Variants in TBC1D22A observed in about 807,000 individuals in gnomAD.
The protein encoded by TBC1D22A is putative GTPase activator.
In TBC1D22A, 38 loss-of-function variants were observed where a neutral mutation model predicts 60.2. The observed-to-expected ratio is 0.63, with a 90% CI of 0.49 to 0.83. The LOEUF (loss-of-function observed/expected upper bound fraction) is 0.83, where lower values mean the gene tolerates loss of function less well. TBC1D22A is among the 40% of genes least tolerant of loss of function. TBC1D22A has a pLI of 0.00. For missense variants in TBC1D22A, 628 were observed against 701.0 expected (o/e 0.90, Z 1.18); for synonymous variants, 302 against 281.7 (o/e 1.07, Z -0.72).
intron 12 of TBC1D22A, among the ~76,000 whole-genome samples, chr22:47,126,614 C>G (rs2066468084): frequency 6.6e-6 from 1 of 152,222 alleles, no homozygotes; most frequent in African/African-American, 2.4e-5. Flanking sequence ...GAGGGAGTGA[C>G]CCCTGGCGCT....
In TBC1D22A at chr22:46,944,547, C is replaced by T. The variant is rs545348228; in HGVS notation, c.1016-29743C>T. The stretch of plus-strand genomic sequence containing the variant: ...CCAAGTAGCTGGGACTACAGGCGCC[C>T]GCCACCATGCCCGGCTAATTTCTTG... On this transcript the variant is annotated intron_variant, in intron 8 of 12. Coordinates refer to ENST00000337137, the MANE Select transcript of TBC1D22A (RefSeq NM_014346.5). Among the ~76,000 whole-genome samples the T allele has an allele frequency of 2.4e-4, 36 of 152,138 alleles. No homozygotes were observed. The South Asian group carries it at 2.7e-3, about 11-fold the overall frequency.
chr22:46,901,337 C>T (rs1309392141), intron 7 of TBC1D22A, among the ~76,000 whole-genome samples: 1 of 152,230 alleles, frequency 6.6e-6, no homozygotes, highest in East Asian at 1.9e-4. Flanking sequence ...ATCCTCTCAG[C>T]TGCGTTGTTT....
In TBC1D22A at chr22:46,928,105, C is replaced by T. The variant is rs185506265; in HGVS notation, c.1015+15917C>T. Among the ~76,000 whole-genome samples, 14 of 142,766 alleles carry T rather than the reference C, an allele frequency of 9.8e-5. 2 individuals carry two copies. The highest frequency in any genetic ancestry group is 9.5e-4 in the Admixed American group (13 of 13,632). The allele number at this position is 142,766 out of a possible 152,430, so 93.7% of individuals were successfully genotyped here. On this transcript the variant is annotated intron_variant, in intron 8 of 12. Transcript: ENST00000337137. Reference sequence around the variant, plus strand: ...AATTCATTTGGGAATTAAAAGAACCCGGAATAGCCGTAACAGTCTTGAAAA... The same window carrying T: ...AATTCATTTGGGAATTAAAAGAACCTGGAATAGCCGTAACAGTCTTGAAAA...
At chr22:46,830,272 C>T (rs2086254902) in intron 4 of TBC1D22A, among the ~76,000 whole-genome samples, 1 of 152,232 alleles carries the variant, frequency 6.6e-6, no homozygotes, top group South Asian at 2.1e-4. Context: ...CTGAGAGTGA[C>T]TGCTCATCGT....
In TBC1D22A at chr22:47,063,103, G is replaced by C. The variant is rs1344462151; in HGVS notation, c.1329+25905G>C. 2.6e-5 allele frequency among the ~76,000 whole-genome samples: 4 copies of C among 152,286 alleles called. No homozygotes were observed. The East Asian group carries it at 7.7e-4, about 29-fold the overall frequency. On this transcript the variant is annotated intron_variant, in intron 11 of 12. Transcript: ENST00000337137. ...TCTGGGTGCAGGAGCAGCAGGACTCGGTGGAGGATGGACAGAAGGAGGAGT... is the reference window on the plus strand; with the variant it reads ...TCTGGGTGCAGGAGCAGCAGGACTCCGTGGAGGATGGACAGAAGGAGGAGT...
intron 5 of TBC1D22A, among the ~76,000 whole-genome samples, chr22:46,880,739 AC>A (rs2067809357): frequency 6.6e-6 from 1 of 151,802 alleles, no homozygotes; most frequent in Admixed American, 6.6e-5. Flanking sequence ...CTAAGAGGGG[AC>A]TTCACACCTG....
intron 10 of TBC1D22A, among the ~76,000 whole-genome samples, chr22:47,017,679 G>A (rs2061953851): frequency 6.6e-6 from 1 of 152,178 alleles, no homozygotes; most frequent in African/African-American, 2.4e-5. Context: ...AAGGCGTTAC[G>A]AGAAGTGAGA....
At chr22:47,077,029 C>T (rs1327796664) in intron 11 of TBC1D22A, among the ~76,000 whole-genome samples, 1 of 152,194 alleles carries the variant, frequency 6.6e-6, no homozygotes, top group African/African-American at 2.4e-5. Context: ...ATTGCCTGTA[C>T]TTCTGCCTGC....
intron 12 of TBC1D22A, among the ~76,000 whole-genome samples, chr22:47,141,682 C>T (rs148985709): frequency 1.3e-5 from 2 of 152,324 alleles, no homozygotes; most frequent in South Asian, 4.1e-4. Context: ...AGATTTGAGC[C>T]ACACGCCTGT....
At chr22:47,005,643 C>T (rs1602954008) in intron 10 of TBC1D22A, among the ~76,000 whole-genome samples, 1 of 151,158 alleles carries the variant, frequency 6.6e-6, no homozygotes. Context: ...CCTGTACACA[C>T]ACACACACAC....
At chr22:47,022,752 G>T (rs1006948575) in intron 10 of TBC1D22A, among the ~76,000 whole-genome samples, 1 of 152,156 alleles carries the variant, frequency 6.6e-6, no homozygotes, top group Non-Finnish European at 1.5e-5. Flanking sequence ...GAAAACTTTA[G>T]AAGTCCCCGG....
intron 2 of TBC1D22A, 25 bp downstream of exon 2, chr22:46,792,601 G>T: frequency 6.2e-7 from 1 of 1,614,226 alleles, no homozygotes; most frequent in South Asian, 1.1e-5. Context: ...AACCTCACTT[G>T]GCGTCTCGGC....
chr22:46,894,231 C>G (rs958904617), intron 6 of TBC1D22A, among the ~76,000 whole-genome samples: 1 of 152,186 alleles, frequency 6.6e-6, no homozygotes, highest in Non-Finnish European at 1.5e-5. Flanking sequence ...CAAGTGTCCT[C>G]CTCTGCAGTG....
intron 12 of TBC1D22A, among the ~76,000 whole-genome samples, chr22:47,146,763 T>C (rs546490596): frequency 1.2e-4 from 18 of 152,296 alleles, no homozygotes; most frequent in African/African-American, 3.8e-4. Context: ...GGTCTCCTCA[T>C]CTGGAGGATG....
chr22:46,939,112 G>A (rs899856253), intron 8 of TBC1D22A, among the ~76,000 whole-genome samples: 1 of 147,174 alleles, frequency 6.8e-6, no homozygotes, highest in Non-Finnish European at 1.5e-5. Context: ...TAAGCACAGA[G>A]AATTTAGAAT....
chr22:46,819,322 G>T (rs2085730787), intron 4 of TBC1D22A, among the ~76,000 whole-genome samples: 1 of 152,122 alleles, frequency 6.6e-6, no homozygotes, highest in Non-Finnish European at 1.5e-5. Context: ...GTTTTCAGAG[G>T]GAATGCTTCC....
chr22:46,915,275 G>A (rs193138332), intron 8 of TBC1D22A: 31 of 397,262 alleles, frequency 7.8e-5, no homozygotes, highest in Middle Eastern at 5.0e-4. Flanking sequence ...GCAGAGGCAC[G>A]GGTGCCCTCC....
chr22:46,791,952 G>C (rs552247969), intron 1 of TBC1D22A, among the ~76,000 whole-genome samples: 22 of 152,224 alleles, frequency 1.4e-4, no homozygotes, highest in African/African-American at 4.3e-4. Flanking sequence ...GTAGAGACAG[G>C]GTTTCACCAT....
chr22:47,135,939 A>G (rs1766130906), intron 12 of TBC1D22A, among the ~76,000 whole-genome samples: 2 of 152,184 alleles, frequency 1.3e-5, no homozygotes, highest in African/African-American at 4.8e-5. Flanking sequence ...ACCCGGACAC[A>G]CGTGGTGAGG....
Sources: gnomAD v4.1 joint callset for allele counts (sites outside exome capture counted in the v4.1 genomes callset) on GRCh38, gnomAD v4.1.1 for gene constraint, MANE v1.5 for transcripts, NCBI Gene and HGNC (gene_info 2026-07-23, HGNC 2026-07-21) for gene names.